GABRB1: variants seen among roughly 807,000 people sequenced by gnomAD.
GABRB1 encodes gamma-aminobutyric acid type A receptor subunit beta1.
A neutral mutation model predicts 51.6 loss-of-function variants in GABRB1; 17 were observed. The ratio of observed to expected loss-of-function variants is 0.33; its 90% confidence interval spans 0.23 to 0.49. The LOEUF (loss-of-function observed/expected upper bound fraction) is 0.49. GABRB1 is among the 20% of genes least tolerant of loss of function. The pLI, the probability that GABRB1 is intolerant of heterozygous loss-of-function variation, is 0.99. For missense variants in GABRB1, 410 were observed against 600.6 expected (o/e 0.68, Z 3.32); for synonymous variants, 247 against 218.9 (o/e 1.13, Z -1.14).
At chr4:47,231,031 A>ACT (rs1721123186) in intron 4 of GABRB1, among the ~76,000 whole-genome samples, 2 of 152,294 alleles carry the variant, frequency 1.3e-5, no homozygotes, top group African/African-American at 4.8e-5. Flanking sequence ...TAGTTCAGTA[A>ACT]GAAAACAGAA....
intron 3 of GABRB1, among the ~76,000 whole-genome samples, chr4:47,081,977 A>G (rs1174577690): frequency 1.3e-5 from 2 of 152,080 alleles, no homozygotes; most frequent in African/African-American, 4.8e-5. Context: ...TCACAAAATC[A>G]TTAAATAGTT....
chr4:47,358,310 T>A (rs564934686), intron 5 of GABRB1, among the ~76,000 whole-genome samples: 45 of 152,098 alleles, frequency 3.0e-4, no homozygotes, highest in African/African-American at 1.1e-3. Context: ...TATAAATATA[T>A]GTGTGTGTAT....
At chr4:47,016,368 A>G (rs1724742823) in intron 1 of GABRB1, among the ~76,000 whole-genome samples, 1 of 152,160 alleles carries the variant, frequency 6.6e-6, no homozygotes, top group Non-Finnish European at 1.5e-5. Flanking sequence ...TCCTGTCATT[A>G]AGATTTTTCC....
chr4:47,333,215 T>C (rs1725561793), intron 5 of GABRB1, among the ~76,000 whole-genome samples: 1 of 90,918 alleles, frequency 1.1e-5, no homozygotes, highest in East Asian at 3.5e-4. Flanking sequence ...TATATATATA[T>C]ATATATATAT....
At chr4:47,246,386 AT>A (rs1721760842) in intron 4 of GABRB1, among the ~76,000 whole-genome samples, 3 of 61,408 alleles carry the variant, frequency 4.9e-5, no homozygotes, top group African/African-American at 1.5e-4. Flanking sequence ...ATATATATAT[AT>A]ATATATATAA....
At chr4:47,215,817 A>AGGAATAG (rs1720532475) in intron 4 of GABRB1, among the ~76,000 whole-genome samples, 1 of 152,136 alleles carries the variant, frequency 6.6e-6, no homozygotes, top group Non-Finnish European at 1.5e-5. Flanking sequence ...CAAACACCCT[A>AGGAATAG]GAATGGTCTT....
chr4:47,197,987 C>T (rs541516913), intron 4 of GABRB1, among the ~76,000 whole-genome samples: 1 of 152,060 alleles, frequency 6.6e-6, no homozygotes, highest in South Asian at 2.1e-4. Flanking sequence ...TCCCTTTTTT[C>T]CCCTGCCAAC....
intron 3 of GABRB1, among the ~76,000 whole-genome samples, chr4:47,117,086 T>C (rs1290315901): frequency 6.6e-6 from 1 of 152,100 alleles, no homozygotes; most frequent in Non-Finnish European, 1.5e-5. Flanking sequence ...GGTGGGGACA[T>C]ACAGCCAAAC....
intron 4 of GABRB1, among the ~76,000 whole-genome samples, chr4:47,192,494 T>G (rs969974953): frequency 6.6e-6 from 1 of 152,230 alleles, no homozygotes; most frequent in African/African-American, 2.4e-5. Context: ...CTAGCCATCA[T>G]AACATTTTTG....
chr4:47,105,900 T>C (rs1714947390), intron 3 of GABRB1, among the ~76,000 whole-genome samples: 1 of 152,142 alleles, frequency 6.6e-6, no homozygotes, highest in Non-Finnish European at 1.5e-5. Flanking sequence ...CAGCAGTTCA[T>C]TGAAAATTTT....
intron 4 of GABRB1, among the ~76,000 whole-genome samples, chr4:47,245,749 A>C (rs1437174064): frequency 6.6e-6 from 1 of 151,958 alleles, no homozygotes; most frequent in Non-Finnish European, 1.5e-5. Flanking sequence ...GTTCAGTTTA[A>C]ACCACCATAT....
At chr4:47,400,921 CTT>C (rs71195629) in intron 5 of GABRB1, among the ~76,000 whole-genome samples, 10,507 of 96,670 alleles carry the variant, frequency 0.11, 92 homozygotes, top group Non-Finnish European at 0.12. Flanking sequence ...TTGTTCTTCT[CTT>C]TTTTTTTTTT....
At chr4:47,035,016 A>G (rs139722974) in intron 3 of GABRB1, among the ~76,000 whole-genome samples, 1 of 152,318 alleles carries the variant, frequency 6.6e-6, no homozygotes, top group African/African-American at 2.4e-5. Flanking sequence ...ATAATATCAT[A>G]AAAATAGTTT....
intron 3 of GABRB1, among the ~76,000 whole-genome samples, chr4:47,119,644 G>T (rs934639658): frequency 6.6e-6 from 1 of 151,928 alleles, no homozygotes; most frequent in Admixed American, 6.6e-5. Flanking sequence ...GAGTAGCTGG[G>T]ATTACATGCA....
chr4:47,348,737 A>C (rs766415601), intron 5 of GABRB1, among the ~76,000 whole-genome samples: 1 of 152,210 alleles, frequency 6.6e-6, no homozygotes, highest in Non-Finnish European at 1.5e-5. Context: ...AAGGATAGTT[A>C]ATATGATAAG....
intron 4 of GABRB1, among the ~76,000 whole-genome samples, chr4:47,180,209 C>A (rs1718886004): frequency 1.3e-5 from 2 of 151,898 alleles, no homozygotes; most frequent in African/African-American, 4.8e-5. Flanking sequence ...AATCACAGAT[C>A]CCATTCACAT....
chr4:47,225,133 G>A (rs1174543587), intron 4 of GABRB1, among the ~76,000 whole-genome samples: 1 of 152,034 alleles, frequency 6.6e-6, no homozygotes, highest in African/African-American at 2.4e-5. Context: ...GACCTCAGGT[G>A]ATCCGCACAC....
At chr4:47,402,357 A>G (rs1728424117) in intron 5 of GABRB1, among the ~76,000 whole-genome samples, 1 of 152,236 alleles carries the variant, frequency 6.6e-6, no homozygotes, top group African/African-American at 2.4e-5. Context: ...AATGGAAAAA[A>G]AGATTTTTTG....
chr4:47,406,990 C>A (rs1043675025), intron 8 of GABRB1, 64 bp downstream of exon 8: 5 of 1,456,382 alleles, frequency 3.4e-6, no homozygotes, highest in Non-Finnish European at 4.7e-6. Context: ...ATGCCTCGGG[C>A]TCTCATAACT....
Sources: gnomAD v4.1 joint callset for allele counts (sites outside exome capture counted in the v4.1 genomes callset) on GRCh38, gnomAD v4.1.1 for gene constraint, MANE v1.5 for transcripts, NCBI Gene and HGNC (gene_info 2026-07-23, HGNC 2026-07-21) for gene names.